The following AAGAB variants were observed in gnomAD, a reference collection of about 807,000 sequenced individuals.
The protein encoded by AAGAB is alpha- and gamma-adaptin-binding protein p34.
In AAGAB, 38 loss-of-function variants were observed where a neutral mutation model predicts 44.1. The ratio of observed to expected loss-of-function variants is 0.86; its 90% CI spans 0.67 to 1.13. The LOEUF (loss-of-function observed/expected upper bound fraction) is 1.13. AAGAB is among the 50% of genes most tolerant of loss of function. The probability of loss-of-function intolerance (pLI) is 0.00; values close to 1 mark genes in which losing one functional copy is unlikely to be tolerated. For missense variants in AAGAB, 450 were observed against 373.8 expected, an observed-to-expected ratio of 1.20 and a Z score of -1.68; for synonymous variants, 131 against 131.8, an observed-to-expected ratio of 0.99 and a Z score of 0.04.
At chr15:67,239,311 A>T (rs1964542743) in intron 1 of AAGAB, among the ~76,000 whole-genome samples, 1 of 152,252 alleles carries the variant, frequency 6.6e-6, no homozygotes, top group Non-Finnish European at 1.5e-5. Flanking sequence ...TCCATTAATG[A>T]TGGCTAATTT....
At chr15:67,210,414 G>A (rs542014219) in intron 5 of AAGAB, among the ~76,000 whole-genome samples, 72 of 152,032 alleles carry the variant, frequency 4.7e-4, no homozygotes, top group Middle Eastern at 3.4e-3. Context: ...TACTCGGGAG[G>A]CTGAGGCAGG....
chr15:67,239,661 T>C (rs968616207), intron 1 of AAGAB, among the ~76,000 whole-genome samples: 2 of 152,198 alleles, frequency 1.3e-5, no homozygotes, highest in Admixed American at 6.5e-5. Flanking sequence ...TGGACTTTAT[T>C]ATCACATCTG....
Position 67,254,602 on chromosome 15 carries a change from G to T in AAGAB, c.30C>A (p.Val10=). MAAGVPCAL[V]TSCSSVFSGD... ...CTGAGAAGACGGAGGAGCAGCTGGT[G>T]ACTAACGCACAGGGTACGCCAGCAG... The change falls in exon 1 of 10, where the codon GTC becomes GTA. Residue 10 remains valine, a synonymous_variant. Transcript: ENST00000261880. 3.7e-6 allele frequency: 6 copies of T among 1,609,176 alleles called. No individual in the cohort carries two copies. Among genetic ancestry groups the T allele is most frequent in the Non-Finnish European group, 5.1e-6 (6 of 1,178,906 alleles).
intron 7 of AAGAB, 113 bp from the exon 8 acceptor site, chr15:67,204,261 G>C (rs1206550343): frequency 4.5e-6 from 3 of 670,746 alleles, no homozygotes; most frequent in South Asian, 2.0e-5. Flanking sequence ...CGAAGGCCCA[G>C]TGTATACCAG....
chr15:67,212,037 G>A (rs954102213), intron 5 of AAGAB, among the ~76,000 whole-genome samples: 6 of 152,062 alleles, frequency 3.9e-5, no homozygotes, highest in Non-Finnish European at 7.4e-5. Context: ...CCGCCACCAC[G>A]CCCGACTAAT....
At chr15:67,253,769 AG>A (rs1487246670) in intron 1 of AAGAB, among the ~76,000 whole-genome samples, 1 of 151,640 alleles carries the variant, frequency 6.6e-6, no homozygotes, top group Non-Finnish European at 1.5e-5. Context: ...AAAAAAAAAA[AG>A]AAAAGAAGGA....
chr15:67,229,374 A>T (rs545085935), intron 5 of AAGAB, among the ~76,000 whole-genome samples: 2 of 151,506 alleles, frequency 1.3e-5, no homozygotes, highest in South Asian at 2.1e-4. Flanking sequence ...CAGAGGTTGC[A>T]GTGAGCCAAG....
intron 1 of AAGAB, among the ~76,000 whole-genome samples, chr15:67,249,777 A>T (rs1046002592): frequency 3.3e-5 from 5 of 152,216 alleles, no homozygotes; most frequent in African/African-American, 9.6e-5. Context: ...TAAATCCTGA[A>T]TTTGAACATA....
intron 1 of AAGAB, among the ~76,000 whole-genome samples, chr15:67,246,309 T>C (rs1964719961): frequency 1.1e-4 from 17 of 151,700 alleles, no homozygotes; most frequent in Admixed American, 1.1e-3. Flanking sequence ...GGAGAATCAC[T>C]TGAGCCCGGG....
At chr15:67,203,478 G>A in intron 9 of AAGAB, 70 bp downstream of exon 9, 1 of 1,293,908 alleles carries the variant, frequency 7.7e-7, no homozygotes. Context: ...ACACAAGTGT[G>A]ATATATAATT....
intron 5 of AAGAB, among the ~76,000 whole-genome samples, chr15:67,215,815 T>C (rs1424073706): frequency 6.6e-6 from 1 of 152,220 alleles, no homozygotes; most frequent in Non-Finnish European, 1.5e-5. Flanking sequence ...AAAATGTTTT[T>C]TGAAATCACA....
intron 5 of AAGAB, among the ~76,000 whole-genome samples, chr15:67,225,574 G>A (rs980597715): frequency 6.6e-6 from 1 of 152,054 alleles, no homozygotes; most frequent in Non-Finnish European, 1.5e-5. Context: ...CCCATACCCT[G>A]GGAACCACTA....
intron 5 of AAGAB, among the ~76,000 whole-genome samples, chr15:67,224,992 C>T (rs991457276): frequency 6.6e-6 from 1 of 152,226 alleles, no homozygotes; most frequent in African/African-American, 2.4e-5. Flanking sequence ...TAAACACAGA[C>T]TCTTACAAGT....
At chr15:67,239,439 A>T (rs915054519) in intron 1 of AAGAB, among the ~76,000 whole-genome samples, 2 of 152,250 alleles carry the variant, frequency 1.3e-5, no homozygotes, top group African/African-American at 4.8e-5. Context: ...TGGAGAAAGA[A>T]GCTGTTTCTT....
At chr15:67,225,549 T>C (rs184627094) in intron 5 of AAGAB, among the ~76,000 whole-genome samples, 14 of 152,318 alleles carry the variant, frequency 9.2e-5, no homozygotes, top group African/African-American at 2.9e-4. Flanking sequence ...ACCATACCCA[T>C]GAGCAACCTC....
At chr15:67,214,675 C>T (rs1963900527) in intron 5 of AAGAB, among the ~76,000 whole-genome samples, 1 of 151,842 alleles carries the variant, frequency 6.6e-6, no homozygotes, top group Non-Finnish European at 1.5e-5. Flanking sequence ...GAGTCTCGCT[C>T]TGTCACCCAG....
intron 5 of AAGAB, among the ~76,000 whole-genome samples, chr15:67,223,709 C>T (rs1241073278): frequency 6.6e-6 from 1 of 152,162 alleles, no homozygotes; most frequent in Non-Finnish European, 1.5e-5. Flanking sequence ...GTCACTTTCC[C>T]ATTCAACAAC....
At chr15:67,226,931 G>T in intron 5 of AAGAB, 1 of 286,606 alleles carries the variant, frequency 3.5e-6, no homozygotes, top group Non-Finnish European at 7.2e-6. Flanking sequence ...TTTGACCTTT[G>T]AATATCAATG....
intron 1 of AAGAB, among the ~76,000 whole-genome samples, chr15:67,251,758 C>T (rs1253881573): frequency 6.6e-6 from 1 of 152,140 alleles, no homozygotes; most frequent in Non-Finnish European, 1.5e-5. Context: ...CTAATATCAC[C>T]GAACACTTGA....
Sources: allele counts gnomAD v4.1 joint callset (sites outside exome capture counted in the v4.1 genomes callset), GRCh38; gene constraint gnomAD v4.1.1; transcripts MANE v1.5; gene names NCBI Gene and HGNC (gene_info 2026-07-23, HGNC 2026-07-21).